Variants in SND1 observed in about 807,000 individuals in gnomAD.
SND1 encodes staphylococcal nuclease domain-containing protein 1.
Under a neutral mutation model 121.7 loss-of-function variants are expected in SND1, and 38 were observed. The ratio of observed to expected loss-of-function variants is 0.31; its 90% confidence interval spans 0.24 to 0.41. The LOEUF is 0.41. SND1 is among the 10% of genes least tolerant of loss of function. SND1 has a pLI of 1.00. For synonymous variants in SND1, 401 were observed against 447.4 expected, an observed-to-expected ratio of 0.90 and a Z score of 1.31; for missense variants, 868 against 1,184.6, an observed-to-expected ratio of 0.73 and a Z score of 3.92.
At chr7:127,814,809 C>T (rs1024801622) in intron 11 of SND1, among the ~76,000 whole-genome samples, 3 of 151,976 alleles carry the variant, frequency 2.0e-5, no homozygotes, top group Non-Finnish European at 4.4e-5. Context: ...AGTTTGTTTG[C>T]GTGTGAGAAG....
At chr7:127,931,195 G>A (rs756079212) in intron 15 of SND1, among the ~76,000 whole-genome samples, 5 of 152,170 alleles carry the variant, frequency 3.3e-5, no homozygotes, top group Non-Finnish European at 7.4e-5. Context: ...CCCAGGAGTT[G>A]CAGATCAGCC....
chr7:127,677,293 A>C (rs1795632876), intron 1 of SND1, among the ~76,000 whole-genome samples: 1 of 152,212 alleles, frequency 6.6e-6, no homozygotes, highest in Admixed American at 6.5e-5. Flanking sequence ...ATATATTCTT[A>C]TGTATTTATT....
At chr7:127,669,412 C>A (rs1334984070) in intron 1 of SND1, among the ~76,000 whole-genome samples, 1 of 152,210 alleles carries the variant, frequency 6.6e-6, no homozygotes, top group Non-Finnish European at 1.5e-5. Flanking sequence ...CTACTCTGTT[C>A]TCAACCAAAA....
chr7:127,671,737 A>G (rs529677603), intron 1 of SND1, among the ~76,000 whole-genome samples: 101 of 152,292 alleles, frequency 6.6e-4, no homozygotes, highest in African/African-American at 2.4e-3. Flanking sequence ...TTTAACTTTG[A>G]ACTCAAAGCC....
intron 12 of SND1, among the ~76,000 whole-genome samples, chr7:127,864,449 C>T (rs569706164): frequency 5.3e-5 from 8 of 152,116 alleles, no homozygotes; most frequent in African/African-American, 1.9e-4. Flanking sequence ...TTATTTGAAT[C>T]TGTGAGCATG....
chr7:127,692,499 C>T (rs1795938858), intron 2 of SND1: 1 of 152,242 alleles, frequency 6.6e-6, no homozygotes, highest in African/African-American at 2.4e-5. Flanking sequence ...ACTTCTCCAT[C>T]AGATAGTCCT....
chr7:128,012,634 C>CA (rs1803140902), intron 16 of SND1, among the ~76,000 whole-genome samples: 1 of 152,196 alleles, frequency 6.6e-6, no homozygotes, highest in Non-Finnish European at 1.5e-5. Flanking sequence ...CTCCCAAGCA[C>CA]TATTTTGCTC....
At chr7:127,869,280 C>G (rs569535983) in intron 12 of SND1, among the ~76,000 whole-genome samples, 6 of 152,098 alleles carry the variant, frequency 3.9e-5, no homozygotes, top group African/African-American at 1.4e-4. Context: ...AGGGTTGGAG[C>G]AGAGGGAGCA....
At chr7:127,665,279 C>T (rs183013517) in intron 1 of SND1, among the ~76,000 whole-genome samples, 43 of 152,088 alleles carry the variant, frequency 2.8e-4, no homozygotes, top group Admixed American at 4.6e-4. Flanking sequence ...CTCCGTCTCC[C>T]GGGTTCTCGC....
intron 16 of SND1, among the ~76,000 whole-genome samples, chr7:128,047,940 C>G (rs1237477980): frequency 6.6e-6 from 1 of 150,816 alleles, no homozygotes; most frequent in Admixed American, 6.6e-5. Context: ...CTCGGCCTCC[C>G]GGGTTCAAAC....
At position 128,029,882 on chromosome 7, in the gene SND1, C is replaced by G. The variant is rs1340753120; in HGVS notation, c.1779+38826C>G. ...AAGCATTCCGCTCAATCAGGCTGAC[C>G]TGTGAGTTCATGACCCAGAGCTTCT... is the stretch of plus-strand genomic sequence containing the variant. On this transcript the variant is annotated intron_variant, in intron 16 of 23. Transcript: ENST00000354725. The surrounding 1 kb of genome is among the most constrained non-coding windows in gnomAD (Gnocchi z 4.2). 6.2e-7 allele frequency: 1 copy of G among 1,613,234 alleles called. No homozygotes were observed. The highest frequency in any genetic ancestry group is 8.5e-7 in the Non-Finnish European group (1 of 1,180,038).
intron 10 of SND1, among the ~76,000 whole-genome samples, chr7:127,801,995 C>A (rs1798139930): frequency 6.6e-6 from 1 of 152,126 alleles, no homozygotes; most frequent in Admixed American, 6.5e-5. Context: ...GCACCCACCA[C>A]CATGCTTGGC....
intron 10 of SND1, among the ~76,000 whole-genome samples, chr7:127,757,178 A>G (rs1014401018): frequency 2.0e-5 from 3 of 152,324 alleles, no homozygotes; most frequent in Admixed American, 6.5e-5. Flanking sequence ...CAGTCAGTGC[A>G]ATCATACAGT....
chr7:127,663,205 A>G (rs1474280842), intron 1 of SND1, among the ~76,000 whole-genome samples: 1 of 151,906 alleles, frequency 6.6e-6, no homozygotes, highest in African/African-American at 2.4e-5. Flanking sequence ...GCTTTAAATC[A>G]TGTCTAGGTT....
intron 15 of SND1, among the ~76,000 whole-genome samples, chr7:127,975,014 G>T (rs889116828): frequency 1.3e-5 from 2 of 152,210 alleles, no homozygotes; most frequent in Non-Finnish European, 2.9e-5. Context: ...GTGAATTGCA[G>T]AGGGAGTTAC....
At chr7:127,881,413 C>T (rs1271526459) in intron 12 of SND1, among the ~76,000 whole-genome samples, 2 of 152,042 alleles carry the variant, frequency 1.3e-5, no homozygotes, top group Non-Finnish European at 2.9e-5. Context: ...GGGGAGTTTA[C>T]CCTCAGCCCC....
intron 1 of SND1, among the ~76,000 whole-genome samples, chr7:127,663,995 T>G (rs1795364909): frequency 6.6e-6 from 1 of 152,196 alleles, no homozygotes; most frequent in Non-Finnish European, 1.5e-5. Context: ...CTGGTCGTGG[T>G]CTTCTTGGCA....
intron 8 of SND1, 48 bp downstream of exon 8, chr7:127,704,993 C>A: frequency 1.3e-6 from 2 of 1,492,016 alleles, no homozygotes; most frequent in East Asian, 2.3e-5. Flanking sequence ...TGTTAAGGAT[C>A]TTTAGGGAAA....
Position 127,837,166 on chromosome 7 carries a change from G to A in SND1, c.1243-7158G>A, listed in dbSNP as rs139859598. On this transcript the variant is annotated intron_variant, in intron 11 of 23. Coordinates refer to ENST00000354725, the MANE Select transcript of SND1 (RefSeq NM_014390.4). ...ATACGTTCACAGGGAAAAATACAGA[G>A]AGAAATCAGAACCACAGATAGGATA... Among the ~76,000 whole-genome samples the A allele has an allele frequency of 3.1e-4, 47 of 152,260 alleles. 1 individual carries two copies. The East Asian group carries it at 8.7e-3, about 28-fold the overall frequency.
Sources: allele counts gnomAD v4.1 joint callset (sites outside exome capture counted in the v4.1 genomes callset), GRCh38; gene constraint gnomAD v4.1.1; non-coding constraint Gnocchi (gnomAD v3.1); transcripts MANE v1.5; gene names NCBI Gene and HGNC (gene_info 2026-07-23, HGNC 2026-07-21).